The following ADSL variants were observed in gnomAD, a reference collection of about 807,000 sequenced individuals.
The protein encoded by ADSL is adenylosuccinate lyase.
In ADSL, 44 loss-of-function variants were observed where a neutral mutation model predicts 62.1. That is an observed-to-expected ratio of 0.71 (90% CI 0.56 to 0.91). ADSL has a LOEUF of 0.91. Among genes scored for constraint, ADSL ranks in the 40% least tolerant of loss-of-function variants. The probability of loss-of-function intolerance (pLI) is 0.00; values close to 1 mark genes in which losing one functional copy is unlikely to be tolerated. For synonymous variants in ADSL, 198 were observed against 220.5 expected, an observed-to-expected ratio of 0.90 and a Z score of 0.90; for missense variants, 531 against 627.4, an observed-to-expected ratio of 0.85 and a Z score of 1.64.
intron 11 of ADSL, 96 bp downstream of exon 11, chr22:40,364,461 T>G: frequency 9.7e-7 from 1 of 1,029,730 alleles, no homozygotes; most frequent in Non-Finnish European, 1.5e-6. Flanking sequence ...GTTTATGTCA[T>G]TACCTTCAGT....
rs2044174593 is a variant in ADSL at position 40,347,162 on chromosome 22, C to T, written c.153+451C>T. On this transcript the variant is annotated intron_variant, in intron 1 of 12. Transcript: ENST00000623063. The stretch of plus-strand genomic sequence containing the variant: ...AAGCCCGGACAGCTTGTTGTTTGCC[C>T]TAGCCCATCCAGCTATTAAGAACGG... The T allele has an allele frequency of 2.2e-5, 4 of 179,334 alleles. No individual in the cohort carries two copies. The South Asian group carries it at 4.2e-4, about 19-fold the overall frequency. 11.1% of individuals were successfully genotyped at this position (179,334 alleles called of 1,614,324 possible).
chr22:40,353,703 G>C (rs976593360), intron 3 of ADSL: 1 of 266,572 alleles, frequency 3.8e-6, no homozygotes, highest in Non-Finnish European at 6.9e-6. Flanking sequence ...TCAGCTCACT[G>C]CAAGCTCCAC....
downstream of ADSL, among the ~76,000 whole-genome samples, chr22:40,372,122 C>G (rs190605877): frequency 7.7e-5 from 5 of 65,210 alleles, 1 homozygote; most frequent in African/African-American, 3.3e-4. Context: ...TCCCCCCCCC[C>G]TTTTTTTTTT....
chr22:40,385,323 G>T (rs1244702560), intron 2 of ADSL, among the ~76,000 whole-genome samples: 1 of 152,220 alleles, frequency 6.6e-6, no homozygotes, highest in Non-Finnish European at 1.5e-5. Flanking sequence ...GAGCTAGAAA[G>T]GTAACAGCTT....
chr22:40,371,661 G>A (rs2045509697), downstream of ADSL, among the ~76,000 whole-genome samples: 1 of 151,262 alleles, frequency 6.6e-6, no homozygotes, highest in African/African-American at 2.4e-5. Flanking sequence ...CACTATTTCT[G>A]TTCTTGGTGA....
intron 2 of ADSL, among the ~76,000 whole-genome samples, chr22:40,385,121 A>C (rs967976824): frequency 6.6e-6 from 1 of 152,234 alleles, no homozygotes; most frequent in Non-Finnish European, 1.5e-5. Flanking sequence ...AAGTCAGCAG[A>C]GTCTGATGCT....
chr22:40,375,328 C>G (rs528098362), intron 2 of ADSL, among the ~76,000 whole-genome samples: 1 of 152,244 alleles, frequency 6.6e-6, no homozygotes, highest in African/African-American at 2.4e-5. Flanking sequence ...GCCTGTAATC[C>G]CAGTGCTTTG....
chr22:40,375,074 C>T (rs2046326711), intron 2 of ADSL, among the ~76,000 whole-genome samples: 2 of 152,176 alleles, frequency 1.3e-5, no homozygotes, highest in African/African-American at 2.4e-5. Flanking sequence ...AGGAGAGATA[C>T]ATTCACCTCT....
At chr22:40,369,908 G>C (rs1216461967), downstream of ADSL, among the ~76,000 whole-genome samples, 2 of 152,176 alleles carry the variant, frequency 1.3e-5, no homozygotes, top group African/African-American at 4.8e-5. Flanking sequence ...AGGAGAGCCT[G>C]ATGTTTGTAA....
rs2044914483 is a variant in ADSL at position 40,364,325 on chromosome 22, A to G, written c.1151A>G (p.Asn384Ser). 2 of 1,614,006 alleles carry G rather than the reference A, an allele frequency of 1.2e-6. No homozygotes were observed. Among genetic ancestry groups the G allele is most frequent in the African/African-American group, 1.3e-5 (1 of 74,916 alleles). Residue 384 changes from asparagine (N) to serine (S), a missense_variant, in exon 11 of 13, where the codon AAC (asparagine) becomes AGC (serine). By Grantham distance (46) the Asn-to-Ser change is conservative (BLOSUM62 1). This residue lies in a region of ADSL where 471 missense variants were observed against 592.9 expected (regional missense o/e 0.79). Coordinates refer to ENST00000623063, the MANE Select transcript of ADSL (RefSeq NM_000026.4). ...GAGCTGCCTTTCATGGCCACAGAGA[A>G]CATCATCATGGCCATGGTCAAAGCT... ...RQELPFMATENIIMAMVKAGG... is the reference protein window; with the variant it reads ...RQELPFMATESIIMAMVKAGG...
chr22:40,354,533 T>C (rs999464106), intron 4 of ADSL, among the ~76,000 whole-genome samples: 4 of 152,188 alleles, frequency 2.6e-5, no homozygotes, highest in Admixed American at 1.3e-4. Flanking sequence ...GAAATACATA[T>C]CAAGAGCCTT....
At chr22:40,356,213 A>T (rs2146644765) in intron 4 of ADSL, among the ~76,000 whole-genome samples, 1 of 146,572 alleles carries the variant, frequency 6.8e-6, no homozygotes, top group African/African-American at 2.7e-5. Flanking sequence ...AAAAAAAAAA[A>T]GAAAAGAAAG....
chr22:40,371,611 T>G (rs192065254), downstream of ADSL, among the ~76,000 whole-genome samples: 205 of 152,360 alleles, frequency 1.3e-3, 1 homozygote, highest in Non-Finnish European at 2.5e-3. Flanking sequence ...GTTCCAATTA[T>G]CTCTGCACTC....
rs1475230629 is a variant in ADSL at position 40,368,555 on chromosome 22, T to G, written c.*2033T>G. The G allele has an allele frequency of 6.6e-6, 1 of 152,046 alleles. No individual in the cohort carries two copies. The highest frequency in any genetic ancestry group is 1.5e-5 in the Non-Finnish European group (1 of 68,044). The allele number at this position is 152,046 out of a possible 1,614,324, so 9.4% of individuals were successfully genotyped here. ...AAACCAAATTCTGAACATAGGCTAG[T>G]ATAGCAAGCAAGCAGGGATAGCATA... is the stretch of plus-strand genomic sequence containing the variant. On this transcript the variant is annotated 3_prime_UTR_variant, in exon 13 of 13. Coordinates refer to ENST00000623063, the MANE Select transcript of ADSL (RefSeq NM_000026.4).
At chr22:40,354,221 C>T (rs747659878) in intron 3 of ADSL, 27 bp from the exon 4 acceptor site, 1 of 1,606,276 alleles carries the variant, frequency 6.2e-7, no homozygotes, top group Non-Finnish European at 8.5e-7. Context: ...AATTCAACCT[C>T]TTTCTATCAC....
At chr22:40,371,201 A>T (rs1350412600), downstream of ADSL, among the ~76,000 whole-genome samples, 1 of 152,184 alleles carries the variant, frequency 6.6e-6, no homozygotes, top group Non-Finnish European at 1.5e-5. Flanking sequence ...AGCACGGGGG[A>T]AACTGAGGCA....
Position 40,346,645 on chromosome 22 carries a change from G to A in ADSL, c.87G>A (p.Val29=). Residue 29 remains valine (V), a synonymous_variant, in exon 1 of 13, where the codon GTG becomes GTA. Coordinates refer to ENST00000623063, the MANE Select transcript of ADSL (RefSeq NM_000026.4). ...ATGCCAGCCCGGAGATGTGCTTCGT[G>A]TTTAGCGACAGGTATAAATTCCGGA... ...SRYASPEMCF[V]FSDRYKFRTW... 1 of 1,612,956 alleles carries A rather than the reference G, an allele frequency of 6.2e-7. No individual in the cohort carries two copies. Among genetic ancestry groups the A allele is most frequent in the Non-Finnish European group, 8.5e-7 (1 of 1,179,626 alleles).
At chr22:40,349,661 C>T (rs1452334556) in intron 1 of ADSL, among the ~76,000 whole-genome samples, 171 bp from the exon 2 acceptor site, 2 of 152,112 alleles carry the variant, frequency 1.3e-5, no homozygotes, top group African/African-American at 2.4e-5. Flanking sequence ...CCCACCTCGA[C>T]CCCACTACCC....
intron 3 of ADSL, chr22:40,353,977 A>T (rs916606317): frequency 7.6e-6 from 4 of 524,360 alleles, no homozygotes; most frequent in Non-Finnish European, 1.4e-5. Context: ...TGTTGCTGGG[A>T]TATGTGGGTC....
Sources: gnomAD v4.1 joint callset for allele counts (sites outside exome capture counted in the v4.1 genomes callset) on GRCh38, gnomAD v4.1.1 for gene constraint, gnomAD v4.1.1 regional missense constraint, MANE v1.5 for transcripts, NCBI Gene and HGNC (gene_info 2026-07-23, HGNC 2026-07-21) for gene names.